DHX40: variants seen among roughly 807,000 people sequenced by gnomAD.
DHX40 encodes DEAH-box helicase 40.
A neutral mutation model predicts 89.6 loss-of-function variants in DHX40; 28 were observed. The ratio of observed to expected loss-of-function variants is 0.31; its 90% CI spans 0.23 to 0.43. The LOEUF is 0.43. Ranked by LOEUF, DHX40 falls within the 20% of genes least tolerant of loss-of-function variation. DHX40 has a pLI of 1.00. For missense variants in DHX40, 457 were observed against 844.0 expected, an observed-to-expected ratio of 0.54 and a Z score of 5.68; for synonymous variants, 226 against 283.6, an observed-to-expected ratio of 0.80 and a Z score of 2.04.
chr17:59,598,615 T>C, intron 12 of DHX40, 122 bp from the exon 13 acceptor site: 3 of 528,870 alleles, frequency 5.7e-6, no homozygotes, highest in Non-Finnish European at 1.0e-5. Flanking sequence ...TAAGAAGAGT[T>C]AATATAGTTC....
intron 10 of DHX40, among the ~76,000 whole-genome samples, chr17:59,581,122 G>A (rs1348175664): frequency 6.7e-6 from 1 of 149,476 alleles, no homozygotes; most frequent in East Asian, 2.0e-4. Context: ...CAGTTGGAAA[G>A]TGGAGTGTTT....
intron 12 of DHX40, among the ~76,000 whole-genome samples, chr17:59,588,751 CTT>C (rs1219535433): frequency 6.6e-6 from 1 of 152,172 alleles, no homozygotes; most frequent in Non-Finnish European, 1.5e-5. Context: ...TTGACATTGA[CTT>C]TTGCAGAGCG....
intron 2 of DHX40, among the ~76,000 whole-genome samples, chr17:59,568,850 A>G (rs926780169): frequency 6.7e-6 from 1 of 149,718 alleles, no homozygotes; most frequent in East Asian, 1.9e-4. Context: ...ATATATATAT[A>G]TATAAATATA....
rs560218478 is a variant in DHX40 at position 59,598,129 on chromosome 17, A to G, written c.1583-608A>G. 3.9e-5 allele frequency among the ~76,000 whole-genome samples: 6 copies of G among 152,084 alleles called. No individual in the cohort carries two copies. The South Asian group carries it at 1.2e-3, about 32-fold the overall frequency. On this transcript the variant is annotated intron_variant, in intron 12 of 17. Transcript: ENST00000251241. ...TGATCCACTTGCCTTGGCCTTTGAAATTGCTGGGATTACAGGTGTGAGCTA... is the reference window on the plus strand; with the variant it reads ...TGATCCACTTGCCTTGGCCTTTGAAGTTGCTGGGATTACAGGTGTGAGCTA...
At position 59,602,502 on chromosome 17, in the gene DHX40, T is replaced by G. The variant is rs1324241277; in HGVS notation, c.1807-20T>G. On this transcript the variant is annotated intron_variant, in intron 14 of 17. Coordinates refer to ENST00000251241, the MANE Select transcript of DHX40 (RefSeq NM_024612.5). ...AATTGTACTATGAGATTTACCACTC[T>G]CTACATATTCTTTTTATAGCAAAGT... 1.3e-6 allele frequency: 2 copies of G among 1,579,418 alleles called. No individual in the cohort carries two copies. Among genetic ancestry groups the G allele is most frequent in the South Asian group, 2.3e-5 (2 of 88,478 alleles).
rs1324334887 is a variant in DHX40 at position 59,605,246 on chromosome 17, C to A, written c.1971+62C>A. ...TAAAGTTGTAGAAATAAGTAATATA[C>A]AAATGTCTTCTACTTTTCACTTTGG... On this transcript the variant is annotated intron_variant, in intron 16 of 17. Transcript: ENST00000251241. 4 of 1,493,300 alleles carry A rather than the reference C, an allele frequency of 2.7e-6. No homozygotes were observed. In the African/African-American group the frequency reaches 5.6e-5, roughly 21 times the overall value. The allele number at this position is 1,493,300 out of a possible 1,614,324, so 92.5% of individuals were successfully genotyped here.
At chr17:59,602,680 CTATT>C (rs1408526974) in intron 15 of DHX40, 64 bp downstream of exon 15, 3 of 1,288,848 alleles carry the variant, frequency 2.3e-6, no homozygotes, top group Non-Finnish European at 3.3e-6. Context: ...TAATATTGGA[CTATT>C]TAATATTAAA....
intron 8 of DHX40, among the ~76,000 whole-genome samples, chr17:59,577,949 G>A (rs2048908322): frequency 6.6e-6 from 1 of 152,156 alleles, no homozygotes; most frequent in South Asian, 2.1e-4. Context: ...TATATCCAGT[G>A]TTTATCTGGA....
chr17:59,586,447 G>A (rs530786207), intron 11 of DHX40, among the ~76,000 whole-genome samples: 6 of 152,034 alleles, frequency 3.9e-5, no homozygotes, highest in African/African-American at 1.4e-4. Context: ...TGGATCATGA[G>A]GTCAGGAGAT....
At chr17:59,570,004 A>G (rs2048770308) in intron 2 of DHX40, among the ~76,000 whole-genome samples, 1 of 142,236 alleles carries the variant, frequency 7.0e-6, no homozygotes, top group Non-Finnish European at 1.5e-5. Flanking sequence ...AGATTGCGCC[A>G]TTGCACTACA....
intron 15 of DHX40, chr17:59,604,836 C>G: frequency 3.2e-6 from 1 of 316,132 alleles, no homozygotes. Flanking sequence ...AATAAAGTTC[C>G]TGGCTCTCAA....
chr17:59,601,826 T>C (rs2030544525), intron 14 of DHX40, among the ~76,000 whole-genome samples: 1 of 152,172 alleles, frequency 6.6e-6, no homozygotes, highest in African/African-American at 2.4e-5. Flanking sequence ...ATTTGTTAGG[T>C]GGGATCAGAG....
At position 59,605,513 on chromosome 17, in the gene DHX40, A is replaced by G. The variant is rs1343292001; in HGVS notation, c.2039A>G (p.Tyr680Cys). 10 of 1,614,212 alleles carry G rather than the reference A, an allele frequency of 6.2e-6. No individual in the cohort carries two copies. The highest frequency in any genetic ancestry group is 2.7e-5 in the African/African-American group (2 of 75,058). The change falls in exon 17 of 18, where the codon TAC (tyrosine) becomes TGC (cysteine). Residue 680 changes from tyrosine (Y) to cysteine (C), a missense_variant. Physicochemically the swap from Tyr to Cys is radical, Grantham distance 194 (BLOSUM62 -2). Around this residue, in one of 9 missense-constraint regions of DHX40, gnomAD observed 120 missense variants for 161.7 expected, o/e 0.74. Coordinates refer to ENST00000251241, the MANE Select transcript of DHX40 (RefSeq NM_024612.5). The stretch of plus-strand genomic sequence containing the variant: ...GAGGTATTGGTTACCACCAAAGTCT[A>G]CGCAAGAATTGTATGCCCAATCCGT... Reference protein sequence around the residue: ...FHEVLVTTKVYARIVCPIRYE... With the variant: ...FHEVLVTTKVCARIVCPIRYE...
At chr17:59,597,532 C>G (rs975112002) in intron 12 of DHX40, among the ~76,000 whole-genome samples, 34 of 151,772 alleles carry the variant, frequency 2.2e-4, no homozygotes, top group Non-Finnish European at 3.7e-4. Flanking sequence ...GTGTTATGTT[C>G]CCCATACTCC....
At chr17:59,605,724 C>T in intron 17 of DHX40, 50 bp downstream of exon 17, 1 of 1,497,672 alleles carries the variant, frequency 6.7e-7, no homozygotes. Flanking sequence ...TACTGCTTCC[C>T]AGTAGTACTT....
intron 10 of DHX40, among the ~76,000 whole-genome samples, chr17:59,585,041 A>G (rs1320783016): frequency 9.3e-5 from 1 of 10,746 alleles, no homozygotes; most frequent in African/African-American, 4.9e-4. Context: ...AAGTACATAC[A>G]CATGTACACA....
rs547131097 is a variant in DHX40 at position 59,602,294 on chromosome 17, G to A, written c.1807-228G>A. 5.9e-5 allele frequency among the ~76,000 whole-genome samples: 9 copies of A among 152,134 alleles called. No homozygotes were observed. The East Asian group carries it at 7.7e-4, about 13-fold the overall frequency. ...TTGGGGCAGTTGTTGGGCGTACTGC[G>A]TTTATTTCCTGTCTCTGTCCTTTAT... On this transcript the variant is annotated intron_variant, in intron 14 of 17. Transcript: ENST00000251241.
intron 10 of DHX40, among the ~76,000 whole-genome samples, chr17:59,581,913 GA>G (rs2048951849): frequency 8.2e-6 from 1 of 121,308 alleles, no homozygotes; most frequent in Admixed American, 8.3e-5. Flanking sequence ...GTAGATACTG[GA>G]AAGAGAAAAG....
At chr17:59,581,154 A>G (rs576173332) in intron 10 of DHX40, among the ~76,000 whole-genome samples, 11 of 147,240 alleles carry the variant, frequency 7.5e-5, no homozygotes, top group Admixed American at 7.4e-4. Context: ...CCAGCATCAT[A>G]CTATATACCA....
Sources: gnomAD v4.1 joint callset for allele counts (sites outside exome capture counted in the v4.1 genomes callset) on GRCh38, gnomAD v4.1.1 for gene constraint, gnomAD v4.1.1 regional missense constraint, MANE v1.5 for transcripts, NCBI Gene and HGNC (gene_info 2026-07-23, HGNC 2026-07-21) for gene names.